The following KCNH8 variants were observed in gnomAD, a reference collection of about 807,000 sequenced individuals.
KCNH8 encodes voltage-gated delayed rectifier potassium channel KCNH8.
KCNH8 carries 70 observed loss-of-function variants against 103.6 expected under a neutral mutation model. The observed-to-expected ratio is 0.68, with a 90% CI of 0.56 to 0.82. KCNH8 has a LOEUF of 0.82. KCNH8 is among the 40% of genes least tolerant of loss of function. The pLI, the probability that KCNH8 is intolerant of heterozygous loss-of-function variation, is 0.00. For synonymous variants in KCNH8, 498 were observed against 489.4 expected (o/e 1.02, Z -0.23); for missense variants, 1,217 against 1,329.9 (o/e 0.92, Z 1.32).
At chr3:19,186,197 T>C (rs112674201) in intron 1 of KCNH8, among the ~76,000 whole-genome samples, 1 of 151,796 alleles carries the variant, frequency 6.6e-6, no homozygotes, top group Non-Finnish European at 1.5e-5. Context: ...CCTCTCTGAT[T>C]GTCTAGGAGA....
chr3:19,456,861 A>G lies in KCNH8; in HGVS notation c.1919A>G (p.Gln640Arg). 6.2e-7 allele frequency: 1 copy of G among 1,612,352 alleles called. No homozygotes were observed. The highest frequency in any genetic ancestry group is 8.5e-7 in the Non-Finnish European group (1 of 1,178,726). Residue 640 changes from glutamine (Q) to arginine (R), a missense_variant, in exon 11 of 16, where the codon CAG (glutamine) becomes CGG (arginine). By Grantham distance (43) the Gln-to-Arg change is conservative. Transcript: ENST00000328405. ...DVKALTYCDL[Q>R]CIILKGLFEV... The stretch of plus-strand genomic sequence containing the variant: ...AAGGCTTTAACCTACTGTGATCTCC[A>G]GTGTATCATCCTCAAAGGACTCTTT...
At chr3:19,291,736 G>C (rs568412873) in intron 3 of KCNH8, among the ~76,000 whole-genome samples, 1 of 152,168 alleles carries the variant, frequency 6.6e-6, no homozygotes, top group East Asian at 1.9e-4. Context: ...TTGGGGTGGA[G>C]AGTTCTGTAG....
intron 11 of KCNH8, among the ~76,000 whole-genome samples, chr3:19,493,140 G>T (rs1454990336): frequency 6.6e-6 from 1 of 151,990 alleles, no homozygotes; most frequent in Non-Finnish European, 1.5e-5. Flanking sequence ...GTCTTTAGGG[G>T]TTTCTAGATA....
At chr3:19,366,540 C>T (rs921408850) in intron 5 of KCNH8, among the ~76,000 whole-genome samples, 1 of 151,840 alleles carries the variant, frequency 6.6e-6, no homozygotes, top group Non-Finnish European at 1.5e-5. Context: ...ATTTAGAAAC[C>T]CAGGAGAAAA....
At chr3:19,346,736 T>C (rs2065734809) in intron 4 of KCNH8, 1 of 455,208 alleles carries the variant, frequency 2.2e-6, no homozygotes, top group South Asian at 1.6e-5. Flanking sequence ...GACCTACAAG[T>C]AATATGTATT....
chr3:19,411,955 C>A (rs1287866938), intron 7 of KCNH8, among the ~76,000 whole-genome samples: 1 of 151,676 alleles, frequency 6.6e-6, no homozygotes, highest in East Asian at 1.9e-4. Context: ...TACTGCCCAA[C>A]ACAATCTACA....
At chr3:19,354,850 G>C (rs1286974145) in intron 5 of KCNH8, among the ~76,000 whole-genome samples, 1 of 152,098 alleles carries the variant, frequency 6.6e-6, no homozygotes, top group Admixed American at 6.6e-5. Context: ...AACACCAAAA[G>C]CAATGGCAAC....
intron 1 of KCNH8, among the ~76,000 whole-genome samples, chr3:19,252,588 C>T (rs962500004): frequency 6.6e-6 from 1 of 151,964 alleles, no homozygotes; most frequent in African/African-American, 2.4e-5. Context: ...TGGGGTTTCA[C>T]CATATTGGCC....
chr3:19,486,453 C>G (rs2068211491), intron 11 of KCNH8, among the ~76,000 whole-genome samples: 1 of 152,226 alleles, frequency 6.6e-6, no homozygotes, highest in Non-Finnish European at 1.5e-5. Context: ...GCTTCTTGTG[C>G]TAACAGGGCC....
At chr3:19,506,263 G>T (rs1472420662) in intron 11 of KCNH8, among the ~76,000 whole-genome samples, 3 of 152,160 alleles carry the variant, frequency 2.0e-5, no homozygotes, top group African/African-American at 7.2e-5. Flanking sequence ...TCTTACGCTG[G>T]TTCTTTCTCA....
At chr3:19,507,019 A>G (rs1323446584) in intron 11 of KCNH8, among the ~76,000 whole-genome samples, 5 of 152,002 alleles carry the variant, frequency 3.3e-5, no homozygotes, top group Non-Finnish European at 2.9e-5. Context: ...TGGGCCTTCA[A>G]TTGTCTCTGG....
intron 7 of KCNH8, among the ~76,000 whole-genome samples, chr3:19,413,668 T>A (rs540278305): frequency 1.1e-4 from 17 of 152,060 alleles, no homozygotes; most frequent in African/African-American, 2.6e-4. Flanking sequence ...AGGAAACCAA[T>A]CCTGCTGACA....
intron 1 of KCNH8, among the ~76,000 whole-genome samples, chr3:19,189,321 A>T (rs923509113): frequency 1.3e-5 from 2 of 152,070 alleles, no homozygotes; most frequent in East Asian, 1.9e-4. Context: ...CAAATGTTTC[A>T]TATGAAAATT....
chr3:19,431,883 TTC>T (rs1181464646), intron 7 of KCNH8, among the ~76,000 whole-genome samples: 25 of 152,316 alleles, frequency 1.6e-4, no homozygotes, highest in South Asian at 1.0e-3. Flanking sequence ...TATTTGAATC[TTC>T]TCTCTTTTCT....
chr3:19,408,215 G>A (rs2125145256), intron 7 of KCNH8, among the ~76,000 whole-genome samples: 1 of 152,106 alleles, frequency 6.6e-6, no homozygotes, highest in Admixed American at 6.6e-5. Flanking sequence ...CCTGCTAAAA[G>A]AAGTACGTAG....
intron 2 of KCNH8, among the ~76,000 whole-genome samples, chr3:19,272,125 T>G (rs1475116729): frequency 1.3e-5 from 2 of 152,012 alleles, no homozygotes; most frequent in African/African-American, 4.8e-5. Flanking sequence ...TGACCTTGGA[T>G]TCATCAAATC....
chr3:19,345,715 C>G (rs2065720495), intron 4 of KCNH8, among the ~76,000 whole-genome samples: 1 of 151,886 alleles, frequency 6.6e-6, no homozygotes, highest in African/African-American at 2.4e-5. Context: ...AGAGAAGCAT[C>G]TATTTTTTTC....
rs1032446343 is a variant in KCNH8, at chr3:19,357,736, C to T, written c.811+9771C>T. Among the ~76,000 whole-genome samples the T allele has an allele frequency of 3.3e-5, 5 of 151,730 alleles. No homozygotes were observed. The East Asian group carries it at 9.7e-4, about 29-fold the overall frequency. ...AAGAACTCTTCAGAAAGCTAAGTGTCAAAAGTAACATGATATGCAAGTATG... is the reference window on the plus strand; with the variant it reads ...AAGAACTCTTCAGAAAGCTAAGTGTTAAAAGTAACATGATATGCAAGTATG... On this transcript the variant is annotated intron_variant, in intron 5 of 15. Transcript: ENST00000328405.
chr3:19,367,802 G>A (rs2066033844), intron 5 of KCNH8, among the ~76,000 whole-genome samples: 1 of 151,954 alleles, frequency 6.6e-6, no homozygotes, highest in Admixed American at 6.6e-5. Context: ...AACAAGTCAT[G>A]TATAATTAAA....
Sources: allele counts gnomAD v4.1 joint callset (sites outside exome capture counted in the v4.1 genomes callset), GRCh38; gene constraint gnomAD v4.1.1; transcripts MANE v1.5; gene names NCBI Gene and HGNC (gene_info 2026-07-23, HGNC 2026-07-21).